The following AMPH variants were observed in gnomAD, a reference collection of about 807,000 sequenced individuals.
The protein encoded by AMPH is amphiphysin, also known as amphiphysin (Stiff-Mann syndrome with breast cancer 128kD autoantigen).
In AMPH, 49 loss-of-function variants were observed where a neutral mutation model predicts 99.1. The observed-to-expected ratio is 0.49, with a 90% CI of 0.39 to 0.63. The LOEUF (loss-of-function observed/expected upper bound fraction) is 0.63, where lower values mean the gene tolerates loss of function less well. Among genes scored for constraint, AMPH ranks in the 20% least tolerant of loss-of-function variants. The pLI is 0.00. For missense variants in AMPH, 759 were observed against 863.4 expected, an observed-to-expected ratio of 0.88 and a Z score of 1.52; for synonymous variants, 314 against 317.3, an observed-to-expected ratio of 0.99 and a Z score of 0.11.
At chr7:38,600,864 A>C (rs1199512898) in intron 1 of AMPH, among the ~76,000 whole-genome samples, 1 of 152,208 alleles carries the variant, frequency 6.6e-6, no homozygotes, top group Non-Finnish European at 1.5e-5. Context: ...TAAGACATTA[A>C]GACACTGTTA....
intron 4 of AMPH, 57 bp downstream of exon 4, chr7:38,494,376 G>A: frequency 7.1e-7 from 1 of 1,412,582 alleles, no homozygotes. Context: ...CAAGTCAGGG[G>A]ACAGGTGGAC....
At chr7:38,486,999 C>A (rs940938905) in intron 5 of AMPH, among the ~76,000 whole-genome samples, 3 of 152,082 alleles carry the variant, frequency 2.0e-5, no homozygotes, top group Non-Finnish European at 4.4e-5. Context: ...TGAAAGCTTT[C>A]CACTGACATC....
rs73367145 is a variant in AMPH, at chr7:38,531,654, T to C, written c.150+3277A>G. 9.2e-3 allele frequency among the ~76,000 whole-genome samples: 1,397 copies of C among 152,318 alleles called. 21 individuals are homozygous for C. Among genetic ancestry groups the C allele is most frequent in the African/African-American group, 0.032 (1,326 of 41,574 alleles). On this transcript the variant is annotated intron_variant, in intron 2 of 20. Coordinates refer to ENST00000356264, the MANE Select transcript of AMPH (RefSeq NM_001635.4). ...AAAAGGAATCTAAAAGCAAGATAAC[T>C]GAGCCCCCATAAATGTTTGAATAAT...
chr7:38,410,139 AATG>A (rs1785172049), intron 17 of AMPH, among the ~76,000 whole-genome samples: 1 of 152,198 alleles, frequency 6.6e-6, no homozygotes, highest in South Asian at 2.1e-4. Context: ...GTCATCTTTG[AATG>A]ATATGTAAGG....
At position 38,388,637 on chromosome 7, in the gene AMPH, G is replaced by A. The variant is rs909124738; in HGVS notation, c.1980+1167C>T. Reference sequence around the variant, plus strand: ...TGGGGGCTTTTAAAGATATATTATTGTTATTAATTTTTTGTTTTTTGAGAC... The same window carrying A: ...TGGGGGCTTTTAAAGATATATTATTATTATTAATTTTTTGTTTTTTGAGAC... On this transcript the variant is annotated intron_variant, in intron 20 of 20. Coordinates refer to ENST00000356264, the MANE Select transcript of AMPH (RefSeq NM_001635.4). Among the ~76,000 whole-genome samples the A allele has an allele frequency of 3.3e-5, 5 of 151,578 alleles. No individual in the cohort carries two copies. In the South Asian group the frequency reaches 8.4e-4, roughly 25 times the overall value.
Position 38,610,316 on chromosome 7 carries a change from GA to G in AMPH, c.69+20966del, listed in dbSNP as rs11317503. 1.8e-3 allele frequency among the ~76,000 whole-genome samples: 46 copies of G among 25,452 alleles called. 1 individual carries two copies. The highest frequency in any genetic ancestry group is 5.2e-3 in the African/African-American group (25 of 4,798). The allele number at this position is 25,452 out of a possible 152,430, so 16.7% of individuals were successfully genotyped here. On this transcript the variant is annotated intron_variant, in intron 1 of 20. Coordinates refer to ENST00000356264, the MANE Select transcript of AMPH (RefSeq NM_001635.4). ...AGAAAGAAAAGAAAAGAAAAGAAAA[GA>G]AAAGAAAAGAAAAGAAAAAAGAAAA...
At chr7:38,392,367 C>G (rs890572480) in intron 18 of AMPH, among the ~76,000 whole-genome samples, 4 of 136,302 alleles carry the variant, frequency 2.9e-5, no homozygotes, top group Non-Finnish European at 4.7e-5. Flanking sequence ...CAATGCAGGC[C>G]GGCCTGGTTC....
At chr7:38,604,561 T>C (rs940535756) in intron 1 of AMPH, among the ~76,000 whole-genome samples, 5 of 152,226 alleles carry the variant, frequency 3.3e-5, no homozygotes, top group Admixed American at 6.5e-5. Context: ...GGCTCAGCCA[T>C]GTGTTGCTCA....
chr7:38,407,214 T>A (rs965836671), intron 17 of AMPH, among the ~76,000 whole-genome samples: 11 of 148,320 alleles, frequency 7.4e-5, no homozygotes, highest in African/African-American at 2.7e-4. Flanking sequence ...TCTCTATATC[T>A]ATCTATAGAT....
At position 38,383,869 on chromosome 7, in the gene AMPH, G is replaced by T. The variant is rs1172130482; in HGVS notation, c.*949C>A. 6.6e-6 allele frequency: 1 copy of T among 152,616 alleles called. No homozygotes were observed. The highest frequency in any genetic ancestry group is 2.4e-5 in the African/African-American group (1 of 41,436). 9.5% of individuals were successfully genotyped at this position (152,616 alleles called of 1,614,324 possible). A position where few individuals can be genotyped will look rare whatever the true frequency, so the allele number is the denominator to read the frequency against. Reference sequence around the variant, plus strand: ...TAGAAAGAGGTGGAAATATAGAGGAGCTGTTTTTATAGTGTTCTTTTGGGG... The same window carrying T: ...TAGAAAGAGGTGGAAATATAGAGGATCTGTTTTTATAGTGTTCTTTTGGGG... On this transcript the variant is annotated 3_prime_UTR_variant, in exon 21 of 21. Coordinates refer to ENST00000356264, the MANE Select transcript of AMPH (RefSeq NM_001635.4).
At chr7:38,566,231 C>T (rs539230506) in intron 1 of AMPH, among the ~76,000 whole-genome samples, 1 of 152,288 alleles carries the variant, frequency 6.6e-6, no homozygotes, top group East Asian at 1.9e-4. Context: ...AAAAGCATCT[C>T]ATCCTAATGT....
At chr7:38,498,490 T>C (rs1265537041) in intron 3 of AMPH, among the ~76,000 whole-genome samples, 1 of 152,210 alleles carries the variant, frequency 6.6e-6, no homozygotes, top group East Asian at 1.9e-4. Flanking sequence ...ATTAATCATC[T>C]ATAACCTCAG....
In AMPH at chr7:38,476,896, C is replaced by G; in HGVS notation, c.470G>C (p.Ser157Thr). ...SARHHLEALQ[S>T]SKRKDESRIS... ...TCGACTCTCATCCTTCCTCTTGGAG[C>G]TCTGCAGAGCTTCCAGATGGTGGCG... Residue 157 changes from serine to threonine, a missense_variant, in exon 6 of 21, where the codon AGC (serine) becomes ACC (threonine). Physicochemically the swap from Ser to Thr is moderately conservative, Grantham distance 58. Around this residue, in one of 2 missense-constraint regions of AMPH, gnomAD observed 205 missense variants for 287.9 expected, o/e 0.71. Coordinates refer to ENST00000356264, the MANE Select transcript of AMPH (RefSeq NM_001635.4). 6.2e-7 allele frequency: 1 copy of G among 1,613,744 alleles called. No homozygotes were observed. Among genetic ancestry groups the G allele is most frequent in the Non-Finnish European group, 8.5e-7 (1 of 1,179,784 alleles).
At chr7:38,416,781 G>A (rs538868434) in intron 17 of AMPH, among the ~76,000 whole-genome samples, 73 of 152,274 alleles carry the variant, frequency 4.8e-4, no homozygotes, top group African/African-American at 1.7e-3. Flanking sequence ...GCACTCCCTG[G>A]TCTAAAGTCC....
At chr7:38,545,351 G>A (rs992717569) in intron 1 of AMPH, among the ~76,000 whole-genome samples, 3 of 152,078 alleles carry the variant, frequency 2.0e-5, no homozygotes, top group East Asian at 1.9e-4. Flanking sequence ...TTTACACCAA[G>A]AACAGCTTGC....
At chr7:38,600,247 G>T (rs1029461928) in intron 1 of AMPH, among the ~76,000 whole-genome samples, 6 of 151,996 alleles carry the variant, frequency 3.9e-5, no homozygotes, top group Non-Finnish European at 8.8e-5. Context: ...GGCCAATCAT[G>T]AGTTTTAAGC....
chr7:38,499,829 C>T (rs1224753186), intron 3 of AMPH, among the ~76,000 whole-genome samples: 2 of 152,092 alleles, frequency 1.3e-5, no homozygotes, highest in African/African-American at 2.4e-5. Context: ...CGGGTTTCTC[C>T]CGTGCTGTTC....
chr7:38,469,848 C>G (rs967663555), intron 7 of AMPH, among the ~76,000 whole-genome samples: 2 of 152,180 alleles, frequency 1.3e-5, no homozygotes, highest in Non-Finnish European at 2.9e-5. Context: ...CTGCATTGGC[C>G]TCTGACATCT....
At chr7:38,523,624 A>G (rs1562805818) in intron 2 of AMPH, among the ~76,000 whole-genome samples, 1 of 152,198 alleles carries the variant, frequency 6.6e-6, no homozygotes, top group Non-Finnish European at 1.5e-5. Context: ...ATGCTGATAT[A>G]ATTAATTAAT....
Sources: gnomAD v4.1 joint callset for allele counts (sites outside exome capture counted in the v4.1 genomes callset) on GRCh38, gnomAD v4.1.1 for gene constraint, gnomAD v4.1.1 regional missense constraint, MANE v1.5 for transcripts, NCBI Gene and HGNC (gene_info 2026-07-23, HGNC 2026-07-21) for gene names.